CRYZL1: variants seen among roughly 807,000 people sequenced by gnomAD.
CRYZL1 encodes crystallin zeta like 1, also known as ferry endosomal RAB5 effector complex subunit 4.
CRYZL1 carries 34 observed loss-of-function variants against 50.6 expected under a neutral mutation model. That is an observed-to-expected ratio of 0.67 (90% CI 0.51 to 0.89). CRYZL1 has a LOEUF of 0.89. CRYZL1 is among the 40% of genes least tolerant of loss of function. The pLI is 0.00. For missense variants in CRYZL1, 354 were observed against 402.3 expected (o/e 0.88, Z 1.03); for synonymous variants, 125 against 134.3 (o/e 0.93, Z 0.48).
Position 33,630,049 on chromosome 21 carries a change from T to A in CRYZL1, c.66+1437A>T, listed in dbSNP as rs186418887. Among the ~76,000 whole-genome samples, 625 of 152,318 alleles carry A rather than the reference T, an allele frequency of 4.1e-3. 4 individuals carry two copies. Among genetic ancestry groups the A allele is most frequent in the African/African-American group, 0.014 (601 of 41,570 alleles). On this transcript the variant is annotated intron_variant, in intron 2 of 12. Transcript: ENST00000381554. ...TGTATCACATTTATTGATTTACTTA[T>A]GTTGAACTATCCTTGCATCCCTGGG...
chr21:33,606,000 T>C (rs2086810764), intron 6 of CRYZL1, among the ~76,000 whole-genome samples: 1 of 152,168 alleles, frequency 6.6e-6, no homozygotes. Context: ...CATTCAAACA[T>C]GCATGTTGAA....
intron 11 of CRYZL1, among the ~76,000 whole-genome samples, chr21:33,594,245 C>T (rs1188272444): frequency 6.6e-6 from 1 of 151,368 alleles, no homozygotes; most frequent in East Asian, 2.0e-4. Context: ...CCTTCACTGC[C>T]TGGGTTCAAG....
At chr21:33,621,742 T>TA (rs780912966) in intron 4 of CRYZL1, among the ~76,000 whole-genome samples, 19 of 152,122 alleles carry the variant, frequency 1.2e-4, no homozygotes, top group Admixed American at 2.0e-4. Flanking sequence ...GCTGTAGACT[T>TA]AGCTACTCAG....
chr21:33,600,181 C>T (rs761747126), intron 8 of CRYZL1, among the ~76,000 whole-genome samples: 3 of 152,086 alleles, frequency 2.0e-5, no homozygotes, highest in Non-Finnish European at 2.9e-5. Flanking sequence ...GGCTGTTTCA[C>T]CCTTTCTCAG....
Position 33,631,494 on chromosome 21 carries a change from G to C in CRYZL1, c.58C>G (p.Gln20Glu), listed in dbSNP as rs780847034. 2.0e-6 allele frequency: 3 copies of C among 1,520,646 alleles called. No homozygotes were observed. The highest frequency in any genetic ancestry group is 2.6e-6 in the Non-Finnish European group (3 of 1,140,356). 94.2% of individuals were successfully genotyped at this position (1,520,646 alleles called of 1,614,324 possible). A position where few individuals can be genotyped will look rare whatever the true frequency, so the allele number is the denominator to read the frequency against. The stretch of plus-strand genomic sequence containing the variant: ...TAAACATTTTTTCTTACCTTTTCTT[G>C]AAATACAAATGTTATTTCTTCATCT... ...STDEEITFVFQEKEDLPVTED... is the reference protein window; with the variant it reads ...STDEEITFVFEEKEDLPVTED... Residue 20 changes from glutamine to glutamate, a missense_variant, in exon 2 of 13, where the codon CAA (glutamine) becomes GAA (glutamate). Coordinates refer to ENST00000381554, the MANE Select transcript of CRYZL1 (RefSeq NM_145858.3).
chr21:33,639,093 G>T lies in CRYZL1; in HGVS notation c.-7+2588C>A, dbSNP rs545014931. On this transcript the variant is annotated intron_variant, in intron 1 of 12. Transcript: ENST00000381554. ...AAATTGTTTCTTTTTTGCCTACAGT[G>T]GCTCTCAACAAAGAACTCTTTTGGA... is the stretch of plus-strand genomic sequence containing the variant. Among the ~76,000 whole-genome samples, 51 of 152,258 alleles carry T rather than the reference G, an allele frequency of 3.3e-4. No individual in the cohort carries two copies. The East Asian group carries it at 8.3e-3, about 25-fold the overall frequency.
At chr21:33,636,563 G>A (rs1430898110) in intron 1 of CRYZL1, among the ~76,000 whole-genome samples, 5 of 151,976 alleles carry the variant, frequency 3.3e-5, no homozygotes, top group African/African-American at 1.2e-4. Flanking sequence ...TAAAAAATCT[G>A]GAGAAACAAA....
intron 8 of CRYZL1, among the ~76,000 whole-genome samples, chr21:33,599,636 TTC>T (rs1037292977): frequency 6.5e-4 from 1 of 1,536 alleles, no homozygotes; most frequent in Non-Finnish European, 1.2e-3. Flanking sequence ...TTAAGTCAGT[TTC>T]TTTTTTTTTT....
In CRYZL1 at chr21:33,640,136, T is replaced by G. The variant is rs1232575854; in HGVS notation, c.-7+1545A>C. The G allele has an allele frequency of 1.5e-5, 23 of 1,546,772 alleles. No individual in the cohort carries two copies. The South Asian group carries it at 2.4e-4, about 16-fold the overall frequency. On this transcript the variant is annotated intron_variant, in intron 1 of 12. Coordinates refer to ENST00000381554, the MANE Select transcript of CRYZL1 (RefSeq NM_145858.3). ...CCACCACGCTCGGCCAATATGTGTA[T>G]TTTTGCTCTTCTGCTCATAAAACTC...
At chr21:33,616,003 C>T (rs1381375885) in intron 5 of CRYZL1, among the ~76,000 whole-genome samples, 1 of 152,136 alleles carries the variant, frequency 6.6e-6, no homozygotes, top group Admixed American at 6.5e-5. Context: ...CATATGTATA[C>T]ATATGCCATG....
At chr21:33,631,245 G>A (rs746667023) in intron 2 of CRYZL1, among the ~76,000 whole-genome samples, 1 of 151,886 alleles carries the variant, frequency 6.6e-6, no homozygotes. Flanking sequence ...ACATCACAGG[G>A]TACCCCATAA....
chr21:33,609,475 TA>T (rs1384424640), intron 6 of CRYZL1, among the ~76,000 whole-genome samples: 1 of 152,016 alleles, frequency 6.6e-6, no homozygotes, highest in African/African-American at 2.4e-5. Flanking sequence ...ATTATTTATT[TA>T]TTTTTTTTAT....
At chr21:33,624,898 T>C (rs2087042991) in intron 2 of CRYZL1, 138 bp from the exon 3 acceptor site, 9 of 1,195,392 alleles carry the variant, frequency 7.5e-6, no homozygotes, top group South Asian at 6.3e-5. Flanking sequence ...TTAACAACTA[T>C]AAGTAATTAT....
intron 6 of CRYZL1, among the ~76,000 whole-genome samples, chr21:33,613,304 T>C (rs1294556399): frequency 6.6e-6 from 1 of 152,232 alleles, no homozygotes; most frequent in Non-Finnish European, 1.5e-5. Flanking sequence ...TGAGCAGTGT[T>C]AGTAAAACTT....
At position 33,616,752 on chromosome 21, in the gene CRYZL1, TAA is replaced by T. The variant is rs1257283372; in HGVS notation, c.218-4_218-3del. The T allele has an allele frequency of 6.3e-7, 1 of 1,599,528 alleles. No individual in the cohort carries two copies. Among genetic ancestry groups the T allele is most frequent in the Non-Finnish European group, 8.5e-7 (1 of 1,172,298 alleles). On this transcript the variant is annotated splice_region_variant and splice_polypyrimidine_tract_variant and intron_variant, in intron 4 of 12. Transcript: ENST00000381554. ...GAAAGAATGATACCTTGCTTCCAAC[TAA>T]AGAGTGAAGAAAATTAATAGTTAAT...
intron 1 of CRYZL1, chr21:33,641,144 GC>G: frequency 6.5e-7 from 1 of 1,549,266 alleles, no homozygotes; most frequent in Non-Finnish European, 8.7e-7. Flanking sequence ...CAGATGTTCG[GC>G]CCCGACCCAG....
chr21:33,589,674 C>A lies in CRYZL1; in HGVS notation c.*148G>T. 1 of 599,060 alleles carries A rather than the reference C, an allele frequency of 1.7e-6. No individual in the cohort carries two copies. Among genetic ancestry groups the A allele is most frequent in the South Asian group, 2.1e-5 (1 of 46,648 alleles). The allele number at this position is 599,060 out of a possible 1,614,324, so 37.1% of individuals were successfully genotyped here. On this transcript the variant is annotated 3_prime_UTR_variant, in exon 13 of 13. Transcript: ENST00000381554. ...TTTTTCAAACACTTTTCAAATGTGT[C>A]AACTGAGCATCTTGTCTTAGCAGAG...
intron 4 of CRYZL1, 132 bp from the exon 5 acceptor site, chr21:33,616,882 A>G (rs775993470): frequency 3.2e-5 from 23 of 718,164 alleles, no homozygotes; most frequent in Non-Finnish European, 5.0e-5. Context: ...AAAAGGACCA[A>G]AATGTCAATA....
At chr21:33,634,099 A>C (rs142882110) in intron 1 of CRYZL1, among the ~76,000 whole-genome samples, 1 of 152,378 alleles carries the variant, frequency 6.6e-6, no homozygotes, top group African/African-American at 2.4e-5. Context: ...GTATCAATGA[A>C]GTATATAAAA....
Sources: gnomAD v4.1 joint callset for allele counts (sites outside exome capture counted in the v4.1 genomes callset) on GRCh38, gnomAD v4.1.1 for gene constraint, MANE v1.5 for transcripts, NCBI Gene and HGNC (gene_info 2026-07-23, HGNC 2026-07-21) for gene names.